The following CDK14 variants were observed in gnomAD, a reference collection of about 807,000 sequenced individuals.
CDK14 encodes cyclin-dependent kinase 14.
Under a neutral mutation model 60.7 loss-of-function variants are expected in CDK14, and 34 were observed. The ratio of observed to expected loss-of-function variants is 0.56; its 90% CI spans 0.43 to 0.75. The LOEUF is 0.75. Among genes scored for constraint, CDK14 ranks in the 30% least tolerant of loss-of-function variants. The pLI is 0.00. For missense variants in CDK14, 482 were observed against 564.1 expected, an observed-to-expected ratio of 0.85 and a Z score of 1.47; for synonymous variants, 197 against 203.7, an observed-to-expected ratio of 0.97 and a Z score of 0.28.
chr7:90,947,129 G>T (rs1794124549), intron 8 of CDK14, among the ~76,000 whole-genome samples: 1 of 152,174 alleles, frequency 6.6e-6, no homozygotes, highest in African/African-American at 2.4e-5. Context: ...TCTCTAGACA[G>T]CGTCAGTCAT....
At chr7:90,795,733 C>T (rs139285020) in intron 5 of CDK14, among the ~76,000 whole-genome samples, 1 of 152,022 alleles carries the variant, frequency 6.6e-6, no homozygotes, top group African/African-American at 2.4e-5. Flanking sequence ...GACAGGGACT[C>T]TGGGCCAAAA....
intron 8 of CDK14, among the ~76,000 whole-genome samples, chr7:90,931,990 C>T (rs865860568): frequency 1.4e-4 from 22 of 151,904 alleles, no homozygotes; most frequent in African/African-American, 9.7e-5. Context: ...ATTTACAAGA[C>T]GGAAAAATTA....
intron 12 of CDK14, among the ~76,000 whole-genome samples, chr7:91,087,644 C>T (rs780089001): frequency 2.6e-5 from 4 of 152,174 alleles, no homozygotes; most frequent in Non-Finnish European, 5.9e-5. Context: ...CCTCCCTTCT[C>T]TTTTTCAGTG....
At chr7:90,730,635 G>A (rs1189873010) in intron 3 of CDK14, among the ~76,000 whole-genome samples, 2 of 151,866 alleles carry the variant, frequency 1.3e-5, no homozygotes, top group Admixed American at 6.6e-5. Context: ...CATGTTTGTT[G>A]GCTGCATAAA....
intron 10 of CDK14, among the ~76,000 whole-genome samples, chr7:91,031,672 A>C (rs1796763043): frequency 6.6e-6 from 1 of 152,208 alleles, no homozygotes. Flanking sequence ...TAAGTTAATT[A>C]AAATAAAATT....
intron 8 of CDK14, among the ~76,000 whole-genome samples, chr7:90,950,172 G>A (rs1026110495): frequency 2.6e-5 from 4 of 152,146 alleles, no homozygotes; most frequent in African/African-American, 9.7e-5. Flanking sequence ...CGCCTCCTGG[G>A]TTCAAGTGAT....
At chr7:90,607,106 G>C (rs1357406909) in intron 2 of CDK14, among the ~76,000 whole-genome samples, 1 of 152,140 alleles carries the variant, frequency 6.6e-6, no homozygotes, top group Non-Finnish European at 1.5e-5. Context: ...TATACAAAAG[G>C]ATCAAAATGA....
intron 5 of CDK14, among the ~76,000 whole-genome samples, chr7:90,793,941 C>G (rs1805937216): frequency 2.0e-5 from 3 of 152,104 alleles, no homozygotes; most frequent in Non-Finnish European, 2.9e-5. Flanking sequence ...ATACAATAAA[C>G]AATTGTCTAT....
intron 8 of CDK14, among the ~76,000 whole-genome samples, chr7:90,953,705 C>T (rs953269804): frequency 6.6e-6 from 1 of 152,092 alleles, no homozygotes; most frequent in Non-Finnish European, 1.5e-5. Context: ...TTTCTGACAA[C>T]AGGGCCTCAG....
Position 90,618,102 on chromosome 7 carries a change from T to C in CDK14, c.123+13853T>C, listed in dbSNP as rs1378017556. 2.0e-5 allele frequency among the ~76,000 whole-genome samples: 3 copies of C among 152,386 alleles called. No homozygotes were observed. The East Asian group carries it at 5.8e-4, about 29-fold the overall frequency. ...TCCTGAATATATACACTTGGATTAT[T>C]AGCTTGTGCGTGTGAAGCCACTCTG... On this transcript the variant is annotated intron_variant, in intron 2 of 14. Coordinates refer to ENST00000380050, the MANE Select transcript of CDK14 (RefSeq NM_001287135.2).
At chr7:90,974,940 C>T (rs929603501) in intron 9 of CDK14, among the ~76,000 whole-genome samples, 3 of 152,154 alleles carry the variant, frequency 2.0e-5, no homozygotes, top group Admixed American at 6.6e-5. Context: ...GGTAATGTTG[C>T]CATATCGCCA....
At chr7:90,618,380 T>A (rs959671174) in intron 2 of CDK14, among the ~76,000 whole-genome samples, 1 of 152,152 alleles carries the variant, frequency 6.6e-6, no homozygotes, top group Non-Finnish European at 1.5e-5. Flanking sequence ...ATTCACTGGA[T>A]TTTCTTCTAT....
At chr7:91,116,675 T>C (rs1799619307) in intron 13 of CDK14, among the ~76,000 whole-genome samples, 1 of 152,182 alleles carries the variant, frequency 6.6e-6, no homozygotes, top group South Asian at 2.1e-4. Context: ...ACCAGGCTTT[T>C]GTGTCCACAA....
At chr7:90,826,205 T>G (rs1476055014) in intron 5 of CDK14, among the ~76,000 whole-genome samples, 1 of 152,156 alleles carries the variant, frequency 6.6e-6, no homozygotes, top group African/African-American at 2.4e-5. Context: ...ATTAGTTTCT[T>G]CAGTATTTAT....
At chr7:91,125,332 A>G (rs531165936) in intron 14 of CDK14, among the ~76,000 whole-genome samples, 2 of 152,302 alleles carry the variant, frequency 1.3e-5, no homozygotes, top group Admixed American at 1.3e-4. Flanking sequence ...ATGTAATGAA[A>G]ATTGCAACCT....
At chr7:91,203,286 A>G (rs1802785198) in intron 14 of CDK14, among the ~76,000 whole-genome samples, 1 of 152,202 alleles carries the variant, frequency 6.6e-6, no homozygotes, top group African/African-American at 2.4e-5. Context: ...AACTCTACAT[A>G]TGAGAACATA....
chr7:90,826,770 A>T (rs1408026693), intron 5 of CDK14, among the ~76,000 whole-genome samples: 1 of 152,098 alleles, frequency 6.6e-6, no homozygotes, highest in Non-Finnish European at 1.5e-5. Flanking sequence ...AAGTCCAGAG[A>T]TCCCATATAC....
chr7:90,771,302 A>G (rs1804774178), intron 4 of CDK14, among the ~76,000 whole-genome samples: 1 of 152,070 alleles, frequency 6.6e-6, no homozygotes, highest in Admixed American at 6.5e-5. Context: ...TTAGTTCCTC[A>G]TATATATGAA....
intron 2 of CDK14, among the ~76,000 whole-genome samples, chr7:90,656,555 T>C (rs1036350572): frequency 2.0e-5 from 3 of 152,080 alleles, no homozygotes; most frequent in Non-Finnish European, 4.4e-5. Flanking sequence ...AATTTTTTTA[T>C]TTTTAGTAGA....
Sources: gnomAD v4.1 joint callset for allele counts (sites outside exome capture counted in the v4.1 genomes callset) on GRCh38, gnomAD v4.1.1 for gene constraint, MANE v1.5 for transcripts, NCBI Gene and HGNC (gene_info 2026-07-23, HGNC 2026-07-21) for gene names.